Variants in ZNF799 observed in about 807,000 individuals in gnomAD.
ZNF799 encodes the protein zinc finger protein 799.
Under a neutral mutation model 41.0 loss-of-function variants are expected in ZNF799, and 28 were observed. That is an observed-to-expected ratio of 0.68 (90% CI 0.51 to 0.94). The LOEUF is 0.94. Among genes scored for constraint, ZNF799 ranks in the 40% least tolerant of loss-of-function variants. The pLI is 0.00. For missense variants in ZNF799, 716 were observed against 764.3 expected, an observed-to-expected ratio of 0.94 and a Z score of 0.74; for synonymous variants, 213 against 252.9, an observed-to-expected ratio of 0.84 and a Z score of 1.50.
At chr19:12,413,847 C>T in the ZNF799 span, among the ~76,000 whole-genome samples, 1 of 152,144 alleles carries the variant, frequency 6.6e-6, no homozygotes, top group Non-Finnish European at 1.5e-5. Flanking sequence ...GGGAAGGGTC[C>T]GCAGACCGGG....
Position 12,390,658 on chromosome 19 carries a change from T to A in ZNF799, c.1740A>T (p.Lys580Asn). Residue 580 changes from lysine (K) to asparagine (N), a missense_variant, in exon 4 of 4, where the codon AAA (lysine) becomes AAT (asparagine). Coordinates refer to ENST00000430385, the MANE Select transcript of ZNF799 (RefSeq NM_001080821.3). Reference protein sequence around the residue: ...THSRFLQGHEKTHTGENPYEC... With the variant: ...THSRFLQGHENTHTGENPYEC... Reference sequence around the variant, plus strand: ...CATACGGGTTCTCTCCAGTATGAGTTTTTTCATGTCCTTGAAGAAAACGGG... The same window carrying A: ...CATACGGGTTCTCTCCAGTATGAGTATTTTCATGTCCTTGAAGAAAACGGG... 6.2e-7 allele frequency: 1 copy of A among 1,613,824 alleles called. No homozygotes were observed. Among genetic ancestry groups the A allele is most frequent in the Non-Finnish European group, 8.5e-7 (1 of 1,179,792 alleles).
At chr19:12,398,250 C>T (rs1257738052) in intron 1 of ZNF799, 79 of 116,428 alleles carry the variant, frequency 6.8e-4, no homozygotes, top group Admixed American at 9.7e-4. Flanking sequence ...CAGAGTGAGA[C>T]GCTGTCTCAA....
intron 1 of ZNF799, chr19:12,400,315 C>A (rs956965451): frequency 2.6e-5 from 4 of 152,272 alleles, no homozygotes; most frequent in African/African-American, 9.7e-5. Flanking sequence ...CACCGTGCAG[C>A]CTCCTCACCG....
At chr19:12,400,965 T>C in intron 1 of ZNF799, 103 bp downstream of exon 1, 1 of 1,602,002 alleles carries the variant, frequency 6.2e-7, no homozygotes, top group Admixed American at 1.7e-5. Context: ...GGTCCGTAGA[T>C]CCCGGAGTAG....
Position 12,391,490 on chromosome 19 carries a change from T to C in ZNF799, c.908A>G (p.His303Arg). The part of the protein sequence containing the change: ...STSLRRHETT[H>R]TDEKPYACQQ... ...ACATGCATAGGGTTTCTCATCAGTG[T>C]GAGTTGTTTCGTGTCTTCGAAGGGA... Residue 303 changes from histidine to arginine, a missense_variant, in exon 4 of 4, where the codon CAC (histidine) becomes CGC (arginine). Physicochemically the swap from His to Arg is conservative, Grantham distance 29 (BLOSUM62 0). Around this residue, in one of 2 missense-constraint regions of ZNF799, gnomAD observed 698 missense variants for 713.6 expected, o/e 0.98. Transcript: ENST00000430385. 1 of 1,614,106 alleles carries C rather than the reference T, an allele frequency of 6.2e-7. No individual in the cohort carries two copies. The highest frequency in any genetic ancestry group is 8.5e-7 in the Non-Finnish European group (1 of 1,179,956).
intron 1 of ZNF799, chr19:12,394,591 C>G (rs2144894723): frequency 3.0e-6 from 3 of 985,230 alleles, no homozygotes; most frequent in Middle Eastern, 5.2e-4. Flanking sequence ...AGTATGACAA[C>G]AGACTGAGAA....
At chr19:12,409,972 C>T in the ZNF799 span, among the ~76,000 whole-genome samples, 82 of 152,132 alleles carry the variant, frequency 5.4e-4, 1 homozygote, top group East Asian at 0.014. Flanking sequence ...CATGGCAAAA[C>T]CCTGTCTCTA....
chr19:12,391,863 T>A lies in ZNF799; in HGVS notation c.535A>T (p.Ser179Cys), dbSNP rs549783477. ...TGTCTTTGAAGGTTTCCCAAAGAAC[T>A]GAAGGACTTCCCACATTCTTTACAA... ...YNCKECGKSF[S>C]SLGNLQRHMA... is the part of the protein sequence containing the mutation. The change falls in exon 4 of 4, where the codon AGT (serine) becomes TGT (cysteine). Residue 179 changes from serine (S) to cysteine (C), a missense_variant. By Grantham distance (112) the Ser-to-Cys change is moderately radical (BLOSUM62 -1). Transcript: ENST00000430385. 6.2e-7 allele frequency: 1 copy of A among 1,614,216 alleles called. No individual in the cohort carries two copies. The highest frequency in any genetic ancestry group is 1.3e-5 in the African/African-American group (1 of 75,066).
At chr19:12,410,279 A>G in the ZNF799 span, among the ~76,000 whole-genome samples, 7 of 90,500 alleles carry the variant, frequency 7.7e-5, no homozygotes, top group African/African-American at 4.9e-5. Context: ...ATATATATAT[A>G]TATATATATA....
At chr19:12,412,130 T>C in the ZNF799 span, among the ~76,000 whole-genome samples, 3 of 152,126 alleles carry the variant, frequency 2.0e-5, no homozygotes, top group African/African-American at 7.2e-5. Context: ...ACTGCAGACA[T>C]GTGTAGCAGT....
chr19:12,407,021 A>AAT, the ZNF799 span, among the ~76,000 whole-genome samples: 2 of 152,264 alleles, frequency 1.3e-5, no homozygotes, highest in African/African-American at 2.4e-5. Context: ...GACTAACTAA[A>AAT]GAAAAACATC....
At chr19:12,406,844 G>A in the ZNF799 span, among the ~76,000 whole-genome samples, 2 of 152,230 alleles carry the variant, frequency 1.3e-5, no homozygotes, top group Non-Finnish European at 2.9e-5. Context: ...AGCTTGCAGT[G>A]AGCGGAGATC....
the ZNF799 span, among the ~76,000 whole-genome samples, chr19:12,407,963 C>T: frequency 5.9e-5 from 9 of 152,098 alleles, no homozygotes; most frequent in African/African-American, 1.9e-4. Context: ...TCAAGACCAG[C>T]ATCAGCAACA....
rs372914627 is a variant in ZNF799, at chr19:12,390,569, T to C, written c.1829A>G (p.His610Arg). 1.9e-5 allele frequency: 31 copies of C among 1,613,024 alleles called. No homozygotes were observed. The highest frequency in any genetic ancestry group is 5.0e-5 in the Admixed American group (3 of 59,920). The change falls in exon 4 of 4, where the codon CAC becomes CGC. Residue 610 changes from histidine to arginine, a missense_variant. Around this residue, in one of 2 missense-constraint regions of ZNF799, gnomAD observed 698 missense variants for 713.6 expected, o/e 0.98. Transcript: ENST00000430385. ...CTCTCCAGTGTGAGTTTTTTTCCAG[T>C]GAGTCTTTTTATGTCTATGCAAGGA... ...LSSLHRHKKTHWKKTHTGENP... is the reference protein window; with the variant it reads ...LSSLHRHKKTRWKKTHTGENP...
upstream of ZNF799, among the ~76,000 whole-genome samples, chr19:12,403,405 TTTC>T (rs1568506418): frequency 6.6e-6 from 1 of 152,266 alleles, no homozygotes; most frequent in Admixed American, 6.5e-5. Context: ...TTTTCTATTG[TTTC>T]TTCATTTCAA....
chr19:12,401,305 G>T, upstream of ZNF799: 1 of 1,287,000 alleles, frequency 7.8e-7, no homozygotes. Context: ...GCCCTTACTG[G>T]ATACGGCGTC....
intron 2 of ZNF799, 22 bp downstream of exon 2, chr19:12,393,274 TG>T: frequency 1.1e-6 from 1 of 950,410 alleles, no homozygotes; most frequent in East Asian, 2.3e-5. Flanking sequence ...ATTAAATAAG[TG>T]GAAATGCGAT....
the ZNF799 span, among the ~76,000 whole-genome samples, chr19:12,410,918 G>A: frequency 6.6e-6 from 1 of 152,144 alleles, no homozygotes; most frequent in South Asian, 2.1e-4. Context: ...TTAAAAATTG[G>A]AATCACTAAA....
Position 12,391,548 on chromosome 19 carries a change from T to G in ZNF799, c.850A>C (p.Lys284Gln). 1 of 1,614,202 alleles carries G rather than the reference T, an allele frequency of 6.2e-7. No homozygotes were observed. Residue 284 changes from lysine to glutamine, a missense_variant, in exon 4 of 4, where the codon AAA becomes CAA. Physicochemically the swap from Lys to Gln is moderately conservative, Grantham distance 53 (BLOSUM62 1). Transcript: ENST00000430385. ...GCACTGAAGGCTTTCCCACATTGTT[T>G]ACATGTATAGGGTTTCTTTCCAGTG... is the stretch of plus-strand genomic sequence containing the variant. Reference protein sequence around the residue: ...THTGKKPYTCKQCGKAFSAST... With the variant: ...THTGKKPYTCQQCGKAFSAST...
Sources: gnomAD v4.1 joint callset for allele counts (sites outside exome capture counted in the v4.1 genomes callset) on GRCh38, gnomAD v4.1.1 for gene constraint, gnomAD v4.1.1 regional missense constraint, MANE v1.5 for transcripts, NCBI Gene and HGNC (gene_info 2026-07-23, HGNC 2026-07-21) for gene names.